The following AKR1C3 variants were observed in gnomAD, a reference collection of about 807,000 sequenced individuals.
AKR1C3 encodes 3-alpha hydroxysteroid dehydrogenase, type II.
AKR1C3 carries 48 observed loss-of-function variants against 43.6 expected under a neutral mutation model. The observed-to-expected ratio is 1.10, with a 90% CI of 0.87 to 1.40. The LOEUF (loss-of-function observed/expected upper bound fraction) is 1.40, where lower values mean the gene tolerates loss of function less well. Among genes scored for constraint, AKR1C3 ranks in the 40% most tolerant of loss-of-function variants. AKR1C3 has a pLI of 0.00. For synonymous variants in AKR1C3, 162 were observed against 139.6 expected, an observed-to-expected ratio of 1.16 and a Z score of -1.13; for missense variants, 482 against 391.2, an observed-to-expected ratio of 1.23 and a Z score of -1.96.
intron 1 of AKR1C3, among the ~76,000 whole-genome samples, chr10:5,083,789 A>T (rs1838891088): frequency 6.6e-6 from 1 of 152,148 alleles, no homozygotes; most frequent in Non-Finnish European, 1.5e-5. Context: ...GTGAGATGGT[A>T]TCTCATTGTG....
intron 8 of AKR1C3, among the ~76,000 whole-genome samples, chr10:5,106,924 AG>A (rs1839516486): frequency 9.8e-6 from 1 of 101,956 alleles, no homozygotes; most frequent in African/African-American, 3.2e-5. Flanking sequence ...AAATAAAAAA[AG>A]GAAACCATGT....
intron 1 of AKR1C3, among the ~76,000 whole-genome samples, chr10:5,061,898 CAAATT>C (rs782138306): frequency 4.6e-5 from 7 of 152,168 alleles, no homozygotes; most frequent in Non-Finnish European, 7.3e-5. Context: ...ATATTACTCT[CAAATT>C]AAGGCCAAAA....
intron 1 of AKR1C3, 188 bp from the exon 2 acceptor site, chr10:5,096,222 C>T: frequency 1.7e-6 from 1 of 591,010 alleles, no homozygotes; most frequent in East Asian, 2.9e-5. Flanking sequence ...TTGCCTGAGA[C>T]TGAAGGTGTT....
At chr10:5,062,602 A>C (rs1838402016) in intron 1 of AKR1C3, among the ~76,000 whole-genome samples, 1 of 152,308 alleles carries the variant, frequency 6.6e-6, no homozygotes, top group African/African-American at 2.4e-5. Flanking sequence ...TATTTTAACT[A>C]ATAATTATTT....
chr10:5,051,996 G>A (rs572612893), intron 1 of AKR1C3, among the ~76,000 whole-genome samples: 77 of 152,164 alleles, frequency 5.1e-4, no homozygotes, highest in Non-Finnish European at 9.1e-4. Flanking sequence ...TGGAATTGGT[G>A]GGTTCTTGGT....
intron 1 of AKR1C3, among the ~76,000 whole-genome samples, chr10:5,061,376 G>A (rs2131786346): frequency 6.6e-6 from 1 of 152,286 alleles, no homozygotes; most frequent in African/African-American, 2.4e-5. Flanking sequence ...TTGACAGGAT[G>A]ACCAGGAATC....
chr10:5,085,404 C>T (rs1332996085), intron 1 of AKR1C3, among the ~76,000 whole-genome samples: 2 of 152,012 alleles, frequency 1.3e-5, no homozygotes, highest in Non-Finnish European at 2.9e-5. Context: ...GTTGAACCAA[C>T]CTTGCATCCC....
At chr10:5,082,387 A>G (rs1838856223) in intron 1 of AKR1C3, among the ~76,000 whole-genome samples, 1 of 152,060 alleles carries the variant, frequency 6.6e-6, no homozygotes, top group African/African-American at 2.4e-5. Flanking sequence ...AAGGTTTTCA[A>G]GTTTTCTCCA....
At chr10:5,100,616 CTTT>C (rs1177189061) in intron 5 of AKR1C3, among the ~76,000 whole-genome samples, 1 of 152,134 alleles carries the variant, frequency 6.6e-6, no homozygotes, top group East Asian at 1.9e-4. Flanking sequence ...CTAATTTACA[CTTT>C]TTTATTCTTT....
Position 5,102,125 on chromosome 10 carries a change from CG to C in AKR1C3, c.597del (p.Ser200ValfsTer4). The C allele has an allele frequency of 1.2e-6, 2 of 1,613,468 alleles. No individual in the cohort carries two copies. Among genetic ancestry groups the C allele is most frequent in the Non-Finnish European group, 1.7e-6 (2 of 1,179,476 alleles). ...GGTAGAATGTCATCCGTATTTCAAC[CG>C]GAGTAAATTGCTAGATTTCTGCAAG... ...NQVECHPYFN[R>X]SKLLDFCKSK... is the part of the protein sequence containing the mutation. On this transcript the variant is annotated frameshift_variant, in exon 6 of 9. Coordinates refer to ENST00000380554, the MANE Select transcript of AKR1C3 (RefSeq NM_003739.6). LOFTEE classifies it high-confidence loss of function.
At chr10:5,106,753 CA>C (rs782740812) in intron 8 of AKR1C3, among the ~76,000 whole-genome samples, 69 of 135,918 alleles carry the variant, frequency 5.1e-4, no homozygotes, top group African/African-American at 4.7e-4. Flanking sequence ...GGCTCCATCT[CA>C]AAAAAAAAAA....
Position 5,105,586 on chromosome 10 carries a change from T to G in AKR1C3, c.847-9T>G. 2 of 1,610,426 alleles carry G rather than the reference T, an allele frequency of 1.2e-6. No individual in the cohort carries two copies. The highest frequency in any genetic ancestry group is 4.5e-5 in the East Asian group (2 of 44,830). ...TCTAAAAATAATAAAAGTTTTTTATTTCTGATAGGTTTTTGAGTTCCAGTT... is the reference window on the plus strand; with the variant it reads ...TCTAAAAATAATAAAAGTTTTTTATGTCTGATAGGTTTTTGAGTTCCAGTT... On this transcript the variant is annotated splice_polypyrimidine_tract_variant and intron_variant, in intron 7 of 8. Transcript: ENST00000380554.
intron 1 of AKR1C3, among the ~76,000 whole-genome samples, chr10:5,059,776 GGTCTCACCCCTCGGCGATA>G (rs1412771318): frequency 8.9e-4 from 136 of 152,230 alleles, no homozygotes; most frequent in African/African-American, 2.9e-3. Context: ...GATAGCTGAT[GGTCTCACCCCTCGGCGATA>G]GTCTCACCCC....
upstream of AKR1C3, among the ~76,000 whole-genome samples, chr10:5,092,044 A>G (rs149393606): frequency 3.3e-4 from 49 of 146,740 alleles, no homozygotes; most frequent in Middle Eastern, 3.6e-3. Context: ...CTAATTAAAA[A>G]AAAATTTTTG....
chr10:5,091,851 G>A (rs1937848), upstream of AKR1C3, among the ~76,000 whole-genome samples: 132,551 of 152,150 alleles, frequency 0.87, 57,994 homozygotes, highest in African/African-American at 0.96. Context: ...TCAAAAACAC[G>A]TATTTTCACA....
intron 1 of AKR1C3, 111 bp downstream of exon 1, chr10:5,094,639 T>G: frequency 8.4e-7 from 1 of 1,195,290 alleles, no homozygotes. Context: ...GATGACTCAC[T>G]GGTCTAGGTT....
At chr10:5,058,442 G>A (rs527349663) in intron 1 of AKR1C3, among the ~76,000 whole-genome samples, 1 of 152,142 alleles carries the variant, frequency 6.6e-6, no homozygotes, top group African/African-American at 2.4e-5. Context: ...TCTTTTTCAG[G>A]GTTTGTGGGT....
chr10:5,082,609 G>A (rs1838861947), intron 1 of AKR1C3, among the ~76,000 whole-genome samples: 1 of 152,012 alleles, frequency 6.6e-6, no homozygotes, highest in African/African-American at 2.4e-5. Flanking sequence ...AGTGATTTGT[G>A]TATGTTTAAT....
chr10:5,095,647 T>C (rs575064155), intron 1 of AKR1C3, among the ~76,000 whole-genome samples: 1 of 152,256 alleles, frequency 6.6e-6, no homozygotes, highest in South Asian at 2.1e-4. Flanking sequence ...TTATCCAAAT[T>C]TGGTCAATAA....
Sources: gnomAD v4.1 joint callset for allele counts (sites outside exome capture counted in the v4.1 genomes callset) on GRCh38, gnomAD v4.1.1 for gene constraint, MANE v1.5 for transcripts, NCBI Gene and HGNC (gene_info 2026-07-23, HGNC 2026-07-21) for gene names.